UBR1: variants seen among roughly 807,000 people sequenced by gnomAD.
UBR1 encodes ubiquitin protein ligase E3 component n-recognin 1, also known as E3 ubiquitin-protein ligase UBR1.
Under a neutral mutation model 242.1 loss-of-function variants are expected in UBR1, and 102 were observed. That is an observed-to-expected ratio of 0.42 (90% CI 0.36 to 0.50). The LOEUF is 0.50. Ranked by LOEUF, UBR1 falls within the 20% of genes least tolerant of loss-of-function variation. UBR1 has a pLI of 0.01. For missense variants in UBR1, 1,772 were observed against 2,101.8 expected, an observed-to-expected ratio of 0.84 and a Z score of 3.07; for synonymous variants, 675 against 684.8, an observed-to-expected ratio of 0.99 and a Z score of 0.22.
chr15:42,950,399 G>A, intron 45 of UBR1, 36 bp from the exon 46 acceptor site: 1 of 1,582,866 alleles, frequency 6.3e-7, no homozygotes, highest in Non-Finnish European at 8.7e-7. Flanking sequence ...ATGGTTAAGT[G>A]TATGTGTGCA....
At chr15:43,051,129 C>T (rs2033550132) in intron 12 of UBR1, among the ~76,000 whole-genome samples, 7 of 152,166 alleles carry the variant, frequency 4.6e-5, no homozygotes, top group South Asian at 2.1e-4. Context: ...TGCACACATA[C>T]ATTCACTGCA....
At chr15:43,022,909 T>G (rs2033128666) in intron 25 of UBR1, 108 bp from the exon 26 acceptor site, 2 of 671,608 alleles carry the variant, frequency 3.0e-6, no homozygotes, top group East Asian at 3.3e-5. Flanking sequence ...GTCACCCAGG[T>G]TGGAGTGCAG....
At chr15:43,010,313 G>C (rs2032902833) in intron 29 of UBR1, among the ~76,000 whole-genome samples, 1 of 151,526 alleles carries the variant, frequency 6.6e-6, no homozygotes, top group Admixed American at 6.6e-5. Context: ...CAATTCACAG[G>C]ACAGTACTAC....
At chr15:42,996,762 G>A (rs985115857) in intron 33 of UBR1, among the ~76,000 whole-genome samples, 2 of 152,100 alleles carry the variant, frequency 1.3e-5, no homozygotes, top group African/African-American at 4.8e-5. Context: ...TCACAACAGA[G>A]GGTAAAATAA....
intron 42 of UBR1, among the ~76,000 whole-genome samples, chr15:42,961,392 C>A (rs1321363814): frequency 6.7e-6 from 1 of 149,218 alleles, no homozygotes; most frequent in Non-Finnish European, 1.5e-5. Context: ...AGATTACATG[C>A]AAATGAGCCA....
intron 44 of UBR1, among the ~76,000 whole-genome samples, chr15:42,956,193 G>A (rs1044100729): frequency 3.3e-5 from 5 of 152,020 alleles, no homozygotes; most frequent in Admixed American, 6.5e-5. Context: ...GTTTAATAAC[G>A]GTTCTTGTGG....
At chr15:43,039,787 C>T (rs1003451139) in intron 15 of UBR1, among the ~76,000 whole-genome samples, 4 of 152,096 alleles carry the variant, frequency 2.6e-5, no homozygotes, top group African/African-American at 9.7e-5. Flanking sequence ...CCAGTTTTTG[C>T]CCTTTCAGTA....
intron 12 of UBR1, among the ~76,000 whole-genome samples, chr15:43,050,096 C>T (rs765306359): frequency 2.6e-5 from 4 of 152,002 alleles, no homozygotes; most frequent in South Asian, 2.1e-4. Flanking sequence ...AGACTACAGG[C>T]GCGTGCCACC....
chr15:43,104,548 A>T (rs1356156665), intron 1 of UBR1, among the ~76,000 whole-genome samples: 1 of 152,120 alleles, frequency 6.6e-6, no homozygotes, highest in East Asian at 1.9e-4. Flanking sequence ...AAGCACTGAC[A>T]TAGTCAGTGG....
intron 32 of UBR1, among the ~76,000 whole-genome samples, chr15:42,999,291 A>G (rs565503363): frequency 2.0e-5 from 3 of 152,272 alleles, no homozygotes; most frequent in African/African-American, 7.2e-5. Context: ...TCCCAGAGAA[A>G]AGCAGTGATT....
At chr15:42,981,409 C>T (rs1233393001) in intron 37 of UBR1, among the ~76,000 whole-genome samples, 6 of 152,142 alleles carry the variant, frequency 3.9e-5, no homozygotes, top group Admixed American at 3.9e-4. Flanking sequence ...ATTATGTGTA[C>T]TCCCTTCAAG....
At chr15:43,021,596 G>A (rs2033111369) in intron 26 of UBR1, among the ~76,000 whole-genome samples, 2 of 152,106 alleles carry the variant, frequency 1.3e-5, no homozygotes, top group Admixed American at 6.5e-5. Flanking sequence ...TAAATGCTAT[G>A]TAAATAGTTA....
chr15:43,064,200 G>A lies in UBR1; in HGVS notation c.798+3698C>T, dbSNP rs149204408. Among the ~76,000 whole-genome samples, 536 of 152,262 alleles carry A rather than the reference G, an allele frequency of 3.5e-3. 2 individuals carry two copies. Among genetic ancestry groups the A allele is most frequent in the African/African-American group, 0.012 (500 of 41,540 alleles). ...ATCTTTGATAAACTATTATTTACCC[G>A]GGGGAGGAGGTGGAGAGAAGGAAAT... On this transcript the variant is annotated intron_variant, in intron 6 of 46. Transcript: ENST00000290650.
intron 6 of UBR1, among the ~76,000 whole-genome samples, chr15:43,063,057 T>A (rs2033707772): frequency 6.6e-6 from 1 of 152,218 alleles, no homozygotes; most frequent in Non-Finnish European, 1.5e-5. Context: ...CATTTTTTAC[T>A]TCAATTGGGT....
chr15:43,014,211 T>C (rs906791478), intron 29 of UBR1, among the ~76,000 whole-genome samples: 3 of 152,234 alleles, frequency 2.0e-5, no homozygotes, highest in Non-Finnish European at 4.4e-5. Context: ...TGGAGTGCAG[T>C]GGCGTGATCT....
intron 29 of UBR1, among the ~76,000 whole-genome samples, chr15:43,008,172 G>C (rs2032862636): frequency 6.6e-6 from 1 of 152,356 alleles, no homozygotes; most frequent in South Asian, 2.1e-4. Flanking sequence ...GTGGAGGCGT[G>C]GCTGGGGCAA....
chr15:43,025,484 A>G, intron 23 of UBR1, 55 bp from the exon 24 acceptor site: 1 of 1,384,440 alleles, frequency 7.2e-7, no homozygotes, highest in Non-Finnish European at 1.0e-6. Context: ...AACAAATGAA[A>G]TACATTAAAG....
intron 1 of UBR1, among the ~76,000 whole-genome samples, chr15:43,097,446 G>A (rs2034175078): frequency 6.6e-6 from 1 of 152,224 alleles, no homozygotes; most frequent in Non-Finnish European, 1.5e-5. Flanking sequence ...AAGAGAGTCA[G>A]CCTGTCCTTT....
chr15:42,968,865 G>A (rs559221881), intron 40 of UBR1, among the ~76,000 whole-genome samples: 1 of 152,200 alleles, frequency 6.6e-6, no homozygotes, highest in African/African-American at 2.4e-5. Context: ...TTTTATGGCT[G>A]TATGATATTC....
Sources: allele counts gnomAD v4.1 joint callset (sites outside exome capture counted in the v4.1 genomes callset), GRCh38; gene constraint gnomAD v4.1.1; transcripts MANE v1.5; gene names NCBI Gene and HGNC (gene_info 2026-07-23, HGNC 2026-07-21).